The following WSB2 variants were observed in gnomAD, a reference collection of about 807,000 sequenced individuals.
The protein encoded by WSB2 is WD repeat and SOCS box-containing protein 2.
A neutral mutation model predicts 48.8 loss-of-function variants in WSB2; 12 were observed. The observed-to-expected ratio is 0.25, with a 90% CI of 0.16 to 0.40. The LOEUF (loss-of-function observed/expected upper bound fraction) is 0.40. WSB2 is among the 10% of genes least tolerant of loss of function. The pLI, the probability that WSB2 is intolerant of heterozygous loss-of-function variation, is 1.00. For missense variants in WSB2, 317 were observed against 506.2 expected (o/e 0.63, Z 3.59); for synonymous variants, 191 against 203.1 (o/e 0.94, Z 0.51).
rs1008666476 is a variant in WSB2 at position 118,060,192 on chromosome 12, G to A, written c.13+844C>T. Among the ~76,000 whole-genome samples the A allele has an allele frequency of 7.2e-5, 11 of 152,174 alleles. No homozygotes were observed. Among genetic ancestry groups the A allele is most frequent in the African/African-American group, 2.2e-4 (9 of 41,436 alleles). On this transcript the variant is annotated intron_variant, in intron 1 of 8. Coordinates refer to ENST00000315436, the MANE Select transcript of WSB2 (RefSeq NM_018639.5). The surrounding 1 kb of genome is among the most constrained non-coding windows in gnomAD (Gnocchi z 4.1). The stretch of plus-strand genomic sequence containing the variant: ...GGGGAGAGGGCCAAGGCGTGCATGC[G>A]TCTTGGGGTTTTTTTCCCCTTGCAT...
In WSB2 at chr12:118,034,098, A is replaced by G; in HGVS notation, c.*98T>C. ...CTATTCACAATCCCAAAGAAATGCT[A>G]TTTCAATGCAAGACCAGATGTTTGG... is the stretch of plus-strand genomic sequence containing the variant. On this transcript the variant is annotated 3_prime_UTR_variant, in exon 9 of 9. Transcript: ENST00000315436. 1 of 1,485,126 alleles carries G rather than the reference A, an allele frequency of 6.7e-7. No individual in the cohort carries two copies. 92.0% of individuals were successfully genotyped at this position (1,485,126 alleles called of 1,614,324 possible). A position where few individuals can be genotyped will look rare whatever the true frequency, so the allele number is the denominator to read the frequency against.
intron 8 of WSB2, 69 bp from the exon 9 acceptor site, chr12:118,034,427 C>G: frequency 6.4e-7 from 1 of 1,569,004 alleles, no homozygotes; most frequent in Non-Finnish European, 8.7e-7. Flanking sequence ...GATGAATACT[C>G]ATGTTTCTGT....
Position 118,034,378 on chromosome 12 carries a change from G to A in WSB2, c.1053-20C>T, listed in dbSNP as rs369806233. ...CTTGTCCTAAAATGAAACAGAAACC[G>A]ATGCTAAGACAGAGCTTGGATGTTC... On this transcript the variant is annotated intron_variant, in intron 8 of 8. Transcript: ENST00000315436. 8.7e-6 allele frequency: 14 copies of A among 1,612,306 alleles called. No individual in the cohort carries two copies. The highest frequency in any genetic ancestry group is 1.7e-5 in the Admixed American group (1 of 59,846).
At chr12:118,043,518 C>T (rs2031684450) in intron 2 of WSB2, 141 bp from the exon 3 acceptor site, 1 of 1,329,764 alleles carries the variant, frequency 7.5e-7, no homozygotes. Context: ...AATCATGGCT[C>T]ACTGCAGCCT....
intron 1 of WSB2, among the ~76,000 whole-genome samples, chr12:118,055,662 T>G (rs928245914): frequency 1.5e-5 from 2 of 133,836 alleles, no homozygotes; most frequent in African/African-American, 5.7e-5. Flanking sequence ...TCACCCAGGC[T>G]GGACTGCAAT....
intron 4 of WSB2, among the ~76,000 whole-genome samples, chr12:118,041,476 A>G (rs2031634576): frequency 6.6e-6 from 1 of 152,130 alleles, no homozygotes; most frequent in African/African-American, 2.4e-5. Flanking sequence ...ACTAAGATAC[A>G]AGTTTTCAGG....
chr12:118,062,114 C>T, upstream of WSB2: 2 of 1,535,366 alleles, frequency 1.3e-6, no homozygotes, highest in Non-Finnish European at 8.7e-7. Context: ...GCGACAGCCT[C>T]GCCTGTCCCC....
rs1281109424 is a variant in WSB2, at chr12:118,032,858, G to T, written c.*1338C>A. On this transcript the variant is annotated 3_prime_UTR_variant, in exon 9 of 9. Coordinates refer to ENST00000315436, the MANE Select transcript of WSB2 (RefSeq NM_018639.5). Reference sequence around the variant, plus strand: ...ACACCCAGCCCTGCTTGTTTTAAAAGGGGACTTTTTTTTTTCTTAATGGAA... The same window carrying T: ...ACACCCAGCCCTGCTTGTTTTAAAATGGGACTTTTTTTTTTCTTAATGGAA... The T allele has an allele frequency of 6.6e-6, 1 of 152,118 alleles. No homozygotes were observed. Among genetic ancestry groups the T allele is most frequent in the South Asian group, 2.1e-4 (1 of 4,820 alleles). The allele number at this position is 152,118 out of a possible 1,614,324, so 9.4% of individuals were successfully genotyped here.
chr12:118,044,968 A>T (rs1235834318), intron 2 of WSB2, among the ~76,000 whole-genome samples: 2 of 152,342 alleles, frequency 1.3e-5, no homozygotes, highest in Admixed American at 1.3e-4. Flanking sequence ...GTGCGAAAAT[A>T]ATTGCAGTAT....
chr12:118,036,822 T>C (rs1195960606), intron 5 of WSB2, among the ~76,000 whole-genome samples: 1 of 152,200 alleles, frequency 6.6e-6, no homozygotes, highest in Non-Finnish European at 1.5e-5. Context: ...GAGTCCTGTT[T>C]GCCAATAGGG....
rs1370554446 is a variant in WSB2, at chr12:118,033,155, A to ATC, written c.*1040_*1041insGA. 6.6e-6 allele frequency: 1 copy of ATC among 152,208 alleles called. No homozygotes were observed. Among genetic ancestry groups the ATC allele is most frequent in the African/African-American group, 2.4e-5 (1 of 41,456 alleles). 9.4% of individuals were successfully genotyped at this position (152,208 alleles called of 1,614,324 possible). A position where few individuals can be genotyped will look rare whatever the true frequency, so the allele number is the denominator to read the frequency against. ...GGTTTTGTTTGAATGAGGTGTCTTG[A>ATC]TTAGATAACTACATGCCACTGAAGG... On this transcript the variant is annotated 3_prime_UTR_variant, in exon 9 of 9. Coordinates refer to ENST00000315436, the MANE Select transcript of WSB2 (RefSeq NM_018639.5).
rs1366464147 is a variant in WSB2, at chr12:118,033,545, G to GT, written c.*650dup. On this transcript the variant is annotated 3_prime_UTR_variant, in exon 9 of 9. Coordinates refer to ENST00000315436, the MANE Select transcript of WSB2 (RefSeq NM_018639.5). ...TCATTTCCTGCACATGCACACCATT[G>GT]TTAAAAAAAAAAAAAAAAAGCCAGT... 8.2e-4 allele frequency: 108 copies of GT among 131,592 alleles called. No individual in the cohort carries two copies. The highest frequency in any genetic ancestry group is 3.1e-3 in the African/African-American group (99 of 32,194). The allele number at this position is 131,592 out of a possible 1,614,324, so 8.2% of individuals were successfully genotyped here. A position where few individuals can be genotyped will look rare whatever the true frequency, so the allele number is the denominator to read the frequency against.
chr12:118,060,837 G>A lies in WSB2; in HGVS notation c.13+199C>T, dbSNP rs2032048295. On this transcript the variant is annotated intron_variant, in intron 1 of 8. Coordinates refer to ENST00000315436, the MANE Select transcript of WSB2 (RefSeq NM_018639.5). This position sits in a 1 kb window ranked among gnomAD's most constrained non-coding sequence, Gnocchi z 4.1. Reference sequence around the variant, plus strand: ...GGCGGGAGTCAGGGTGGCGGCCACTGACAACGAAAGTGAAACAAAGCTGGT... The same window carrying A: ...GGCGGGAGTCAGGGTGGCGGCCACTAACAACGAAAGTGAAACAAAGCTGGT... Among the ~76,000 whole-genome samples, 1 of 151,888 alleles carries A rather than the reference G, an allele frequency of 6.6e-6. No homozygotes were observed. The highest frequency in any genetic ancestry group is 1.5e-5 in the Non-Finnish European group (1 of 67,906).
upstream of WSB2, chr12:118,061,202 G>A (rs1208946191): frequency 7.1e-6 from 7 of 983,632 alleles, no homozygotes; most frequent in East Asian, 4.6e-4. Flanking sequence ...CGGTGGGCGC[G>A]GGCGGAGACG....
At chr12:118,050,811 G>T (rs1178014619) in intron 2 of WSB2, among the ~76,000 whole-genome samples, 1 of 152,142 alleles carries the variant, frequency 6.6e-6, no homozygotes, top group Non-Finnish European at 1.5e-5. Flanking sequence ...CAACACTTTG[G>T]GAGGCCAAGG....
chr12:118,050,995 T>A (rs956621680), intron 2 of WSB2, among the ~76,000 whole-genome samples: 2 of 151,096 alleles, frequency 1.3e-5, no homozygotes, highest in Admixed American at 6.6e-5. Context: ...GAGGTTGCAA[T>A]AAGCTGAGAT....
intron 1 of WSB2, among the ~76,000 whole-genome samples, chr12:118,059,099 C>G (rs1040325278): frequency 6.6e-6 from 1 of 152,078 alleles, no homozygotes; most frequent in Non-Finnish European, 1.5e-5. Context: ...GCTACACTGT[C>G]TAATAGGGAA....
At chr12:118,034,391 A>C (rs746582948) in intron 8 of WSB2, 33 bp from the exon 9 acceptor site, 2 of 1,604,580 alleles carry the variant, frequency 1.2e-6, no homozygotes, top group Non-Finnish European at 8.5e-7. Flanking sequence ...GCTAAGACAG[A>C]GCTTGGATGT....
chr12:118,034,583 G>GCTCTCTCTCTCTCTC lies in WSB2; in HGVS notation c.1053-226_1053-225insGAGAGAGAGAGAGAG, dbSNP rs1555267406. On this transcript the variant is annotated intron_variant, in intron 8 of 8. Coordinates refer to ENST00000315436, the MANE Select transcript of WSB2 (RefSeq NM_018639.5). ...CCTGTGATACCAAAGCGCTCTCTCT[G>GCTCTCTCTCTCTCTC]TCTCTCTCTCGGCACAGCCCTTTCT... The GCTCTCTCTCTCTCTC allele has an allele frequency of 7.5e-3, 4,046 of 538,008 alleles. 46 individuals carry two copies. The highest frequency in any genetic ancestry group is 0.055 in the Admixed American group (1,612 of 29,328). The allele number at this position is 538,008 out of a possible 1,614,324, so 33.3% of individuals were successfully genotyped here.
Sources: allele counts gnomAD v4.1 joint callset (sites outside exome capture counted in the v4.1 genomes callset), GRCh38; gene constraint gnomAD v4.1.1; non-coding constraint Gnocchi (gnomAD v3.1); transcripts MANE v1.5; gene names NCBI Gene and HGNC (gene_info 2026-07-23, HGNC 2026-07-21).